The following SP6 variants were observed in gnomAD, a reference collection of about 807,000 sequenced individuals.
SP6 encodes transcription factor Sp6.
Under a neutral mutation model 23.4 loss-of-function variants are expected in SP6, and 10 were observed. That is an observed-to-expected ratio of 0.43 (90% CI 0.26 to 0.72). SP6 has a LOEUF of 0.72. Ranked by LOEUF, SP6 falls within the 30% of genes least tolerant of loss-of-function variation. The pLI, the probability that SP6 is intolerant of heterozygous loss-of-function variation, is 0.23. For missense variants in SP6, 482 were observed against 523.8 expected (o/e 0.92, Z 0.78); for synonymous variants, 238 against 238.7 (o/e 1.00, Z 0.03).
At chr17:47,873,763 C>A in the SP6 span, among the ~76,000 whole-genome samples, 12 of 152,134 alleles carry the variant, frequency 7.9e-5, no homozygotes, top group Admixed American at 2.0e-4. Flanking sequence ...ATAGGATGAA[C>A]CCCAGCCATT....
At chr17:47,849,121 C>A (rs547052366) in intron 1 of SP6, among the ~76,000 whole-genome samples, 1 of 152,252 alleles carries the variant, frequency 6.6e-6, no homozygotes, top group Non-Finnish European at 1.5e-5. Context: ...CATGCCCCCA[C>A]CCCCTTCCCT....
chr17:47,871,926 T>C, the SP6 span, among the ~76,000 whole-genome samples: 8 of 152,136 alleles, frequency 5.3e-5, no homozygotes, highest in Non-Finnish European at 8.8e-5. Context: ...CGGCCTCTGG[T>C]CTGTTTCTTT....
rs1284230352 is a variant in SP6 at position 47,848,081 on chromosome 17, C to T, written c.349G>A (p.Asp117Asn). The change falls in exon 2 of 2, where the codon GAT (aspartate) becomes AAT (asparagine). Residue 117 changes from aspartate (D) to asparagine (N), a missense_variant. By Grantham distance (23) the Asp-to-Asn change is conservative. This residue lies in a region of SP6 where 330 missense variants were observed against 332.3 expected (regional missense o/e 0.99). Coordinates refer to ENST00000536300, the MANE Select transcript of SP6 (RefSeq NM_001258248.2). This position sits in a 1 kb window ranked among gnomAD's most constrained non-coding sequence, Gnocchi z 5.3. The stretch of plus-strand genomic sequence containing the variant: ...GGATGAAGGTCCCACCACGAGCCAT[C>T]CTCCGCGCCTGGGTGAGTCGGCCTG... ...WFRPTHPGAE[D>N]GSWWDLHPGT... The T allele has an allele frequency of 6.2e-7, 1 of 1,613,482 alleles. No homozygotes were observed.
the SP6 span, among the ~76,000 whole-genome samples, chr17:47,871,670 G>A: frequency 6.6e-6 from 1 of 151,156 alleles, no homozygotes; most frequent in Admixed American, 6.6e-5. Flanking sequence ...CCAGGCTGGA[G>A]TGCAGTGGCG....
Position 47,847,776 on chromosome 17 carries a change from C to A in SP6, c.654G>T (p.Ser218=), listed in dbSNP as rs369726946. ...CGGTCTGGCCTGAGCTGCGGGGCACCGACCGCCGGGAGCCTTTGGGACGCG... is the reference window on the plus strand; with the variant it reads ...CGGTCTGGCCTGAGCTGCGGGGCACAGACCGCCGGGAGCCTTTGGGACGCG... ...GAARPKGSRR[S]VPRSSGQTVC... is the part of the protein sequence containing the mutation. Residue 218 remains serine (S), a synonymous_variant, in exon 2 of 2, where the codon TCG becomes TCT. Transcript: ENST00000536300. 1.2e-5 allele frequency: 19 copies of A among 1,549,948 alleles called. No individual in the cohort carries two copies. Among genetic ancestry groups the A allele is most frequent in the Non-Finnish European group, 1.7e-5 (19 of 1,150,080 alleles).
In SP6 at chr17:47,845,390, A is replaced by G. The variant is rs1023366418; in HGVS notation, c.*1909T>C. 1.3e-5 allele frequency: 2 copies of G among 152,230 alleles called. No homozygotes were observed. The highest frequency in any genetic ancestry group is 2.9e-5 in the Non-Finnish European group (2 of 68,040). 9.4% of individuals were successfully genotyped at this position (152,230 alleles called of 1,614,324 possible). A position where few individuals can be genotyped will look rare whatever the true frequency, so the allele number is the denominator to read the frequency against. ...AAGGAAGGGGATCTCTGGTTGGGTT[A>G]GCAGGAGGTAGGGAAAAGAGAAAGA... On this transcript the variant is annotated 3_prime_UTR_variant, in exon 2 of 2. Coordinates refer to ENST00000536300, the MANE Select transcript of SP6 (RefSeq NM_001258248.2).
At chr17:47,861,851 G>A in the SP6 span, among the ~76,000 whole-genome samples, 87 of 152,156 alleles carry the variant, frequency 5.7e-4, no homozygotes, top group East Asian at 0.016. Flanking sequence ...TTCAAGACCA[G>A]CTTGGGCAAC....
At chr17:47,860,817 T>A (rs959112125), upstream of SP6, among the ~76,000 whole-genome samples, 2 of 152,312 alleles carry the variant, frequency 1.3e-5, no homozygotes, top group Admixed American at 6.5e-5. Flanking sequence ...AAACATGCCC[T>A]GACCCTTCCT....
At chr17:47,873,829 T>G in the SP6 span, among the ~76,000 whole-genome samples, 1 of 119,478 alleles carries the variant, frequency 8.4e-6, no homozygotes. Context: ...CCCTCCCCCC[T>G]TCCTTCCTTC....
At chr17:47,850,615 A>T (rs1268827020) in intron 1 of SP6, among the ~76,000 whole-genome samples, 1 of 152,218 alleles carries the variant, frequency 6.6e-6, no homozygotes, top group African/African-American at 2.4e-5. Flanking sequence ...TGGGAAGGCA[A>T]GTCGGTGCAC....
chr17:47,872,650 T>C, the SP6 span, among the ~76,000 whole-genome samples: 2 of 152,144 alleles, frequency 1.3e-5, no homozygotes, highest in African/African-American at 4.8e-5. Flanking sequence ...GGGACAGCCC[T>C]TTGCCGGCCC....
At chr17:47,863,177 G>C in the SP6 span, among the ~76,000 whole-genome samples, 4 of 152,244 alleles carry the variant, frequency 2.6e-5, no homozygotes, top group Non-Finnish European at 5.9e-5. Flanking sequence ...GGTTAAGCAA[G>C]TCATTCTTTT....
At chr17:47,854,658 T>C (rs2033985334), upstream of SP6, among the ~76,000 whole-genome samples, 1 of 152,218 alleles carries the variant, frequency 6.6e-6, no homozygotes. Flanking sequence ...GACTCTACAC[T>C]TGTGATCCCT....
At chr17:47,859,268 C>T (rs1041351943), upstream of SP6, among the ~76,000 whole-genome samples, 1 of 152,230 alleles carries the variant, frequency 6.6e-6, no homozygotes, top group African/African-American at 2.4e-5. Flanking sequence ...GTCCAGCCTT[C>T]CTACCTTTGT....
chr17:47,851,743 C>G (rs949699052), upstream of SP6, among the ~76,000 whole-genome samples: 2 of 150,088 alleles, frequency 1.3e-5, no homozygotes, highest in South Asian at 2.1e-4. Flanking sequence ...CCTCACCCCC[C>G]GCACCCCGCG....
the SP6 span, among the ~76,000 whole-genome samples, chr17:47,862,046 G>GAAAA: frequency 7.4e-4 from 91 of 122,720 alleles, no homozygotes; most frequent in African/African-American, 2.5e-3. Context: ...CCCTGTCTCA[G>GAAAA]AAAAAAAAAA....
At chr17:47,852,239 T>C (rs1428789744), upstream of SP6, among the ~76,000 whole-genome samples, 1 of 152,076 alleles carries the variant, frequency 6.6e-6, no homozygotes, top group Non-Finnish European at 1.5e-5. Flanking sequence ...TCTGGTAAAA[T>C]TTCAGCGCGC....
chr17:47,852,012 T>C (rs1189892446), upstream of SP6, among the ~76,000 whole-genome samples: 1 of 151,868 alleles, frequency 6.6e-6, no homozygotes, highest in African/African-American at 2.4e-5. Flanking sequence ...CTTCGGGAAA[T>C]GCTCAGCCTA....
upstream of SP6, among the ~76,000 whole-genome samples, chr17:47,858,767 C>CTTTTT (rs36092685): frequency 6.4e-3 from 596 of 92,672 alleles, 152 homozygotes; most frequent in Non-Finnish European, 8.1e-3. Flanking sequence ...GATGAAGCAT[C>CTTTTT]TTTTTTTTTT....
Sources: gnomAD v4.1 joint callset for allele counts (sites outside exome capture counted in the v4.1 genomes callset) on GRCh38, gnomAD v4.1.1 for gene constraint, gnomAD v4.1.1 regional missense constraint, Gnocchi (gnomAD v3.1) non-coding constraint, MANE v1.5 for transcripts, NCBI Gene and HGNC (gene_info 2026-07-23, HGNC 2026-07-21) for gene names.